The following ZNF236 variants were observed in gnomAD, a reference collection of about 807,000 sequenced individuals.
ZNF236 encodes the protein regulated by glucose.
Under a neutral mutation model 191.2 loss-of-function variants are expected in ZNF236, and 50 were observed. That is an observed-to-expected ratio of 0.26 (90% CI 0.21 to 0.33). ZNF236 has a LOEUF of 0.33. Among genes scored for constraint, ZNF236 ranks in the 10% least tolerant of loss-of-function variants. ZNF236 has a pLI of 1.00. For synonymous variants in ZNF236, 907 were observed against 928.8 expected, an observed-to-expected ratio of 0.98 and a Z score of 0.43; for missense variants, 1,754 against 2,374.5, an observed-to-expected ratio of 0.74 and a Z score of 5.43.
At chr18:76,936,579 TG>T (rs1295732495) in intron 25 of ZNF236, among the ~76,000 whole-genome samples, 1 of 152,212 alleles carries the variant, frequency 6.6e-6, no homozygotes, top group Non-Finnish European at 1.5e-5. Context: ...ATTTATGAGA[TG>T]TATTTTGACC....
At chr18:76,936,380 A>G (rs1171910438) in intron 25 of ZNF236, 1 of 456,692 alleles carries the variant, frequency 2.2e-6, no homozygotes, top group Admixed American at 2.3e-5. Context: ...CAGGACTTTG[A>G]TAATCCCATG....
chr18:76,931,424 TACCA>T (rs1967842500), intron 25 of ZNF236, among the ~76,000 whole-genome samples: 1 of 152,236 alleles, frequency 6.6e-6, no homozygotes, highest in Non-Finnish European at 1.5e-5. Flanking sequence ...TCTCTAATGT[TACCA>T]ACCAATCGAT....
In ZNF236 at chr18:76,970,417, TTTCTC is replaced by T. The variant is rs1459342008; in HGVS notation, c.*2079_*2083del. ...ATATCAATAATTCAATTTTGTGTCT[TTTCTC>T]AATTTATTAGCAAACACAAGACATT... On this transcript the variant is annotated 3_prime_UTR_variant, in exon 31 of 31. Transcript: ENST00000320610. 2 of 152,684 alleles carry T rather than the reference TTTCTC, an allele frequency of 1.3e-5. No homozygotes were observed. Among genetic ancestry groups the T allele is most frequent in the Admixed American group, 6.5e-5 (1 of 15,290 alleles). 9.5% of individuals were successfully genotyped at this position (152,684 alleles called of 1,614,324 possible).
At chr18:76,926,906 C>A in intron 22 of ZNF236, 131 bp from the exon 23 acceptor site, 1 of 1,108,260 alleles carries the variant, frequency 9.0e-7, no homozygotes, top group Non-Finnish European at 1.3e-6. Context: ...TGTTCGTATT[C>A]CACAACAACA....
Position 76,875,479 on chromosome 18 carries a change from T to TC in ZNF236, c.668-12dup, listed in dbSNP as rs1436474309. 6.7e-7 allele frequency: 1 copy of TC among 1,492,168 alleles called. No homozygotes were observed. The highest frequency in any genetic ancestry group is 1.4e-5 in the South Asian group (1 of 73,860). 92.4% of individuals were successfully genotyped at this position (1,492,168 alleles called of 1,614,324 possible). ...TATGGAATTATATTTTGATCATTTTTCTCCCACTCTAGGTGAAAGGCCGTT... is the reference window on the plus strand; with the variant it reads ...TATGGAATTATATTTTGATCATTTTTCCTCCCACTCTAGGTGAAAGGCCGTT... On this transcript the variant is annotated splice_polypyrimidine_tract_variant and intron_variant, in intron 5 of 30. Coordinates refer to ENST00000320610, the MANE Select transcript of ZNF236 (RefSeq NM_001306089.2). This position sits in a 1 kb window ranked among gnomAD's most constrained non-coding sequence, Gnocchi z 4.3.
intron 27 of ZNF236, among the ~76,000 whole-genome samples, chr18:76,953,624 C>T (rs558342620): frequency 2.0e-5 from 3 of 152,312 alleles, no homozygotes; most frequent in African/African-American, 7.2e-5. Context: ...ACCTGGATTT[C>T]CTGTTACTTG....
At chr18:76,870,385 G>A (rs1191279345) in intron 4 of ZNF236, among the ~76,000 whole-genome samples, 2 of 152,092 alleles carry the variant, frequency 1.3e-5, no homozygotes, top group Admixed American at 6.6e-5. Context: ...AGGCTTTAAT[G>A]CAGGCATTTT....
intron 3 of ZNF236, among the ~76,000 whole-genome samples, chr18:76,864,722 A>G (rs74555878): frequency 0.018 from 2,676 of 150,986 alleles, 81 homozygotes; most frequent in African/African-American, 0.059. Flanking sequence ...AGTGATATTT[A>G]AAGAGGGAAA....
At chr18:76,951,610 A>G (rs1345162377) in intron 27 of ZNF236, among the ~76,000 whole-genome samples, 1 of 152,182 alleles carries the variant, frequency 6.6e-6, no homozygotes, top group Non-Finnish European at 1.5e-5. Context: ...GGCCATTAAA[A>G]CTTTCTGCTT....
At chr18:76,891,820 T>C (rs979958438) in intron 9 of ZNF236, among the ~76,000 whole-genome samples, 4 of 152,188 alleles carry the variant, frequency 2.6e-5, no homozygotes, top group African/African-American at 9.7e-5. Context: ...CCCAAATCGA[T>C]ATATGTCTTT....
chr18:76,958,013 C>A (rs1322272727), intron 28 of ZNF236, among the ~76,000 whole-genome samples: 1 of 152,232 alleles, frequency 6.6e-6, no homozygotes, highest in Non-Finnish European at 1.5e-5. Context: ...TCTGATGAAT[C>A]TCCCTGCCCC....
At chr18:76,936,089 C>T (rs1568238017) in intron 25 of ZNF236, 1 of 456,744 alleles carries the variant, frequency 2.2e-6, no homozygotes, top group Non-Finnish European at 4.4e-6. Context: ...CCTGTTGGCC[C>T]CTGACTCCTA....
intron 11 of ZNF236, 64 bp from the exon 12 acceptor site, chr18:76,904,316 G>A: frequency 6.8e-7 from 1 of 1,468,042 alleles, no homozygotes; most frequent in Non-Finnish European, 9.1e-7. Context: ...CATGTGCCTT[G>A]TGACATTTAA....
intron 1 of ZNF236, among the ~76,000 whole-genome samples, chr18:76,831,466 T>C (rs1181527923): frequency 3.9e-5 from 6 of 152,236 alleles, no homozygotes; most frequent in Non-Finnish European, 7.3e-5. Flanking sequence ...TGCTTCCAGT[T>C]TTTAGCAATA....
At chr18:76,824,675 C>G (rs1974966399) in intron 1 of ZNF236, among the ~76,000 whole-genome samples, 1 of 152,158 alleles carries the variant, frequency 6.6e-6, no homozygotes, top group Non-Finnish European at 1.5e-5. Context: ...CCCCAGTATC[C>G]CCATCTCACC....
intron 9 of ZNF236, chr18:76,885,603 T>C (rs754204256): frequency 1.6e-5 from 3 of 182,516 alleles, no homozygotes; most frequent in Non-Finnish European, 3.6e-5. Context: ...TGTTTTCTTC[T>C]GCTGGTCAGA....
At position 76,959,708 on chromosome 18, in the gene ZNF236, G is replaced by GCC; in HGVS notation, c.5135_5136dup (p.Gly1713ProfsTer5). ...CCAGGAGCACATGCAGACACACCAG[G>GCC]CCGGCCCCTCTTTGAGCTCCCAGAA... On this transcript the variant is annotated frameshift_variant, in exon 29 of 31. Coordinates refer to ENST00000320610, the MANE Select transcript of ZNF236 (RefSeq NM_001306089.2). LOFTEE classifies it high-confidence loss of function. 6.2e-7 allele frequency: 1 copy of GCC among 1,613,488 alleles called. No homozygotes were observed. Among genetic ancestry groups the GCC allele is most frequent in the Non-Finnish European group, 8.5e-7 (1 of 1,179,664 alleles).
chr18:76,829,331 G>GT (rs11316393), intron 1 of ZNF236, among the ~76,000 whole-genome samples: 7 of 138,388 alleles, frequency 5.1e-5, no homozygotes, highest in South Asian at 2.3e-4. Context: ...CCTGGGGGAG[G>GT]TTTTTTTTTT....
chr18:76,917,516 C>T (rs1302527599), intron 19 of ZNF236, among the ~76,000 whole-genome samples: 1 of 152,166 alleles, frequency 6.6e-6, no homozygotes, highest in Non-Finnish European at 1.5e-5. Context: ...GGGGAAACTG[C>T]AGATGAACTC....
Sources: gnomAD v4.1 joint callset for allele counts (sites outside exome capture counted in the v4.1 genomes callset) on GRCh38, gnomAD v4.1.1 for gene constraint, Gnocchi (gnomAD v3.1) non-coding constraint, MANE v1.5 for transcripts, NCBI Gene and HGNC (gene_info 2026-07-23, HGNC 2026-07-21) for gene names.